Variants in ME3 observed in about 807,000 individuals in gnomAD.
ME3 encodes the protein NADP-dependent malic enzyme, mitochondrial.
Under a neutral mutation model 68.9 loss-of-function variants are expected in ME3, and 48 were observed. The observed-to-expected ratio is 0.70, with a 90% CI of 0.55 to 0.89. ME3 has a LOEUF of 0.89. Among genes scored for constraint, ME3 ranks in the 40% least tolerant of loss-of-function variants. ME3 has a pLI of 0.00. For missense variants in ME3, 675 were observed against 797.4 expected, an observed-to-expected ratio of 0.85 and a Z score of 1.85; for synonymous variants, 320 against 318.8, an observed-to-expected ratio of 1.00 and a Z score of -0.04.
At chr11:86,478,833 G>A (rs1178181584) in intron 7 of ME3, among the ~76,000 whole-genome samples, 1 of 152,090 alleles carries the variant, frequency 6.6e-6, no homozygotes, top group Non-Finnish European at 1.5e-5. Context: ...TGGGGCCCAG[G>A]GAAGCTTGGT....
rs535551918 is a variant in ME3, at chr11:86,518,110, T to G, written c.468-9243A>C. Among the ~76,000 whole-genome samples, 4 of 152,298 alleles carry G rather than the reference T, an allele frequency of 2.6e-5. No homozygotes were observed. In the South Asian group the frequency reaches 8.3e-4, roughly 32 times the overall value. ...CTGAGTGAGAAAAATTTCCAGCCAT[T>G]TGAGTTATATCCCTCAGGAAAATAT... On this transcript the variant is annotated intron_variant, in intron 4 of 14. Coordinates refer to ENST00000543262, the Ensembl canonical transcript of ME3.
chr11:86,586,276 G>A (rs1252173440), intron 2 of ME3, among the ~76,000 whole-genome samples: 1 of 152,158 alleles, frequency 6.6e-6, no homozygotes, highest in Admixed American at 6.5e-5. Context: ...TAGGTTAGTG[G>A]GTAGGAGCAA....
chr11:86,644,739 C>A (rs1225760428), intron 2 of ME3, among the ~76,000 whole-genome samples: 1 of 152,204 alleles, frequency 6.6e-6, no homozygotes, highest in Non-Finnish European at 1.5e-5. Flanking sequence ...TTATTCCGTA[C>A]CACCAATAAC....
At chr11:86,625,473 C>T (rs1220915444) in intron 2 of ME3, among the ~76,000 whole-genome samples, 1 of 152,154 alleles carries the variant, frequency 6.6e-6, no homozygotes, top group Non-Finnish European at 1.5e-5. Flanking sequence ...CCTGCCAGCT[C>T]ATGACTGGGG....
rs1443300659 is a variant in ME3, at chr11:86,453,923, C to A, written c.920-3525G>T. Among the ~76,000 whole-genome samples the A allele has an allele frequency of 2.6e-5, 4 of 152,192 alleles. 1 individual carries two copies. Among genetic ancestry groups the A allele is most frequent in the Admixed American group, 2.0e-4 (3 of 15,278 alleles). ...CTTAGCCTCAGAAGTTGTAGCAGATCCTTAGTGTTTCTTTTTTGGCTTTTG... is the reference window on the plus strand; with the variant it reads ...CTTAGCCTCAGAAGTTGTAGCAGATACTTAGTGTTTCTTTTTTGGCTTTTG... On this transcript the variant is annotated intron_variant, in intron 8 of 14. Coordinates refer to ENST00000543262, the Ensembl canonical transcript of ME3.
At chr11:86,495,471 A>G (rs751755223) in intron 6 of ME3, among the ~76,000 whole-genome samples, 6 of 152,332 alleles carry the variant, frequency 3.9e-5, no homozygotes, top group Admixed American at 1.3e-4. Context: ...ATCAAACTCA[A>G]TCTGTTCCAA....
chr11:86,520,727 C>T (rs1327147121), intron 4 of ME3, among the ~76,000 whole-genome samples: 4 of 152,236 alleles, frequency 2.6e-5, no homozygotes, highest in African/African-American at 9.6e-5. Context: ...TCCCCTAATG[C>T]AGCCCTGCAA....
At chr11:86,460,761 T>C (rs1950189016) in intron 8 of ME3, among the ~76,000 whole-genome samples, 1 of 152,274 alleles carries the variant, frequency 6.6e-6, no homozygotes, top group Non-Finnish European at 1.5e-5. Flanking sequence ...CCTCTCCCAT[T>C]ATGAGCATGG....
intron 2 of ME3, among the ~76,000 whole-genome samples, chr11:86,629,410 G>T (rs1565237931): frequency 6.6e-6 from 1 of 152,142 alleles, no homozygotes; most frequent in East Asian, 1.9e-4. Flanking sequence ...AATCTCTTTT[G>T]CTGAAGAAAG....
chr11:86,660,221 A>G (rs1302345363), intron 2 of ME3, among the ~76,000 whole-genome samples: 1 of 152,190 alleles, frequency 6.6e-6, no homozygotes, highest in Non-Finnish European at 1.5e-5. Flanking sequence ...GATGTAGCCC[A>G]TGGCCATCGA....
intron 2 of ME3, among the ~76,000 whole-genome samples, chr11:86,562,120 G>A (rs762757476): frequency 1.1e-4 from 17 of 151,964 alleles, no homozygotes; most frequent in Non-Finnish European, 1.6e-4. Flanking sequence ...CTTCTTTACT[G>A]ACTCTACATT....
intron 13 of ME3, 105 bp downstream of exon 13, chr11:86,446,209 A>C (rs771582962): frequency 7.5e-7 from 1 of 1,336,782 alleles, no homozygotes; most frequent in Non-Finnish European, 1.0e-6. Context: ...TCCACTGGCA[A>C]TGTTGGGGCA....
chr11:86,624,590 C>T (rs528739530), intron 2 of ME3, among the ~76,000 whole-genome samples: 10 of 152,184 alleles, frequency 6.6e-5, no homozygotes, highest in East Asian at 1.9e-4. Context: ...CAGAAAATTG[C>T]GTAAGATTGA....
intron 8 of ME3, among the ~76,000 whole-genome samples, chr11:86,454,434 C>T (rs143610067): frequency 6.6e-6 from 1 of 152,222 alleles, no homozygotes; most frequent in African/African-American, 2.4e-5. Context: ...AGTAAAGTAG[C>T]CAGTGTAGAC....
intron 2 of ME3, among the ~76,000 whole-genome samples, chr11:86,633,622 G>C (rs537977497): frequency 1.2e-4 from 19 of 152,184 alleles, no homozygotes; most frequent in Non-Finnish European, 2.8e-4. Context: ...GGAGAGGAAG[G>C]TACTCTCATG....
intron 2 of ME3, among the ~76,000 whole-genome samples, chr11:86,565,316 G>C (rs192153438): frequency 2.0e-5 from 3 of 152,292 alleles, no homozygotes; most frequent in Admixed American, 6.5e-5. Context: ...TATGGAAAGC[G>C]TAGTGGTCCT....
At chr11:86,634,025 A>T (rs1944177941) in intron 2 of ME3, among the ~76,000 whole-genome samples, 1 of 152,130 alleles carries the variant, frequency 6.6e-6, no homozygotes, top group Non-Finnish European at 1.5e-5. Context: ...CTTAACCTTG[A>T]TATGTTCCAT....
chr11:86,578,105 C>G (rs978778240), intron 2 of ME3, among the ~76,000 whole-genome samples: 1 of 152,176 alleles, frequency 6.6e-6, no homozygotes, highest in African/African-American at 2.4e-5. Flanking sequence ...AACAAGGGAA[C>G]AGAGGTGGAT....
At chr11:86,446,960 G>A in intron 12 of ME3, 105 bp downstream of exon 12, 1 of 1,400,810 alleles carries the variant, frequency 7.1e-7, no homozygotes, top group Non-Finnish European at 9.6e-7. Flanking sequence ...CTGAAATTCA[G>A]TTTGCTCATC....
Sources: gnomAD v4.1 joint callset for allele counts (sites outside exome capture counted in the v4.1 genomes callset) on GRCh38, gnomAD v4.1.1 for gene constraint, MANE v1.5 for transcripts, NCBI Gene and HGNC (gene_info 2026-07-23, HGNC 2026-07-21) for gene names.